The following IL1RAPL2 variants were observed in gnomAD, a reference collection of about 807,000 sequenced individuals.
IL1RAPL2 encodes the protein interleukin 1 receptor accessory protein like 2, also known as X-linked interleukin-1 receptor accessory protein-like 2.
Under a neutral mutation model 44.1 loss-of-function variants are expected in IL1RAPL2, and 3 were observed. The observed-to-expected ratio is 0.07, with a 90% CI of 0.03 to 0.18. The LOEUF is 0.18. IL1RAPL2 is among the 10% of genes least tolerant of loss of function. The pLI is 1.00. For missense variants in IL1RAPL2, 391 were observed against 496.4 expected, an observed-to-expected ratio of 0.79 and a Z score of 2.02; for synonymous variants, 181 against 178.8, an observed-to-expected ratio of 1.01 and a Z score of -0.10.
At chrX:105,012,605 TC>T in intron 2 of IL1RAPL2, among the ~76,000 whole-genome samples, 1 of 23,141 alleles carries the variant, frequency 4.3e-5, no homozygotes, top group Non-Finnish European at 8.7e-5. Flanking sequence ...TCTTTCTCTC[TC>T]TCTCTCTCTC....
At chrX:105,277,916 G>C (rs1435096712) in intron 5 of IL1RAPL2, among the ~76,000 whole-genome samples, 1 of 110,255 alleles carries the variant, frequency 9.1e-6, no homozygotes, top group Non-Finnish European at 1.9e-5. Context: ...TTTTTATTTT[G>C]TCTCTCCTTT....
intron 6 of IL1RAPL2, among the ~76,000 whole-genome samples, chrX:105,591,294 G>T (rs1229517461): frequency 9.2e-6 from 1 of 108,672 alleles, no homozygotes; most frequent in Non-Finnish European, 1.9e-5. Flanking sequence ...ATGTTTATTT[G>T]GATGTTCTCT....
intron 2 of IL1RAPL2, among the ~76,000 whole-genome samples, chrX:104,983,796 T>C (rs753755178): frequency 1.6e-4 from 17 of 107,417 alleles, no homozygotes; most frequent in African/African-American, 5.7e-4. Flanking sequence ...TTACTTTCTA[T>C]TGATAATACT....
intron 5 of IL1RAPL2, among the ~76,000 whole-genome samples, chrX:105,426,967 G>A (rs2035815509): frequency 8.9e-6 from 1 of 112,350 alleles, no homozygotes. Context: ...TATAAAGAAG[G>A]GAAACATTTT....
At chrX:105,076,302 C>T (rs936869621) in intron 2 of IL1RAPL2, among the ~76,000 whole-genome samples, 4 of 111,403 alleles carry the variant, frequency 3.6e-5, no homozygotes, top group African/African-American at 1.3e-4. Context: ...CGTTATGTAG[C>T]CAGTAGTCAT....
intron 5 of IL1RAPL2, among the ~76,000 whole-genome samples, chrX:105,325,540 T>TA (rs1192795118): frequency 8.1e-4 from 24 of 29,566 alleles, no homozygotes; most frequent in African/African-American, 1.7e-3. Context: ...CTCTCTTGGT[T>TA]TTATATATAT....
chrX:105,731,898 G>A (rs777987139), intron 7 of IL1RAPL2, among the ~76,000 whole-genome samples: 5 of 111,022 alleles, frequency 4.5e-5, no homozygotes, highest in Non-Finnish European at 9.5e-5. Context: ...AAGGGTGACT[G>A]TAGTTAACAA....
intron 1 of IL1RAPL2, among the ~76,000 whole-genome samples, chrX:104,608,207 C>T (rs1375601901): frequency 9.1e-6 from 1 of 109,715 alleles, no homozygotes; most frequent in Non-Finnish European, 1.9e-5. Flanking sequence ...TGGAGGGGAA[C>T]ATCACACACT....
chrX:104,891,358 G>A (rs1291244565), intron 2 of IL1RAPL2, among the ~76,000 whole-genome samples: 1 of 111,706 alleles, frequency 9.0e-6, no homozygotes, highest in Non-Finnish European at 1.9e-5. Context: ...AGTTTGATGG[G>A]GATCGCATTG....
chrX:105,307,097 G>T (rs1254885387), intron 5 of IL1RAPL2, among the ~76,000 whole-genome samples: 3 of 108,236 alleles, frequency 2.8e-5, no homozygotes, highest in Non-Finnish European at 5.7e-5. Context: ...AAAACCATCA[G>T]ATCTCATGAG....
At chrX:104,574,277 T>C (rs1602626230) in intron 1 of IL1RAPL2, among the ~76,000 whole-genome samples, 1 of 111,448 alleles carries the variant, frequency 9.0e-6, no homozygotes, top group Middle Eastern at 4.8e-3. Flanking sequence ...CACATATTAA[T>C]TACAAAATAA....
intron 2 of IL1RAPL2, among the ~76,000 whole-genome samples, chrX:104,915,252 G>A (rs1165877703): frequency 1.4e-4 from 16 of 110,626 alleles, no homozygotes; most frequent in African/African-American, 2.6e-4. Flanking sequence ...TTTAATGATC[G>A]CCATTCTAAC....
intron 5 of IL1RAPL2, among the ~76,000 whole-genome samples, chrX:105,280,513 T>C (rs1041564106): frequency 8.1e-5 from 9 of 110,782 alleles, no homozygotes; most frequent in African/African-American, 3.0e-4. Flanking sequence ...TGGGAGAAAA[T>C]TTTTGCAATC....
chrX:105,257,064 T>G (rs1478308392), intron 4 of IL1RAPL2, among the ~76,000 whole-genome samples: 1 of 111,805 alleles, frequency 8.9e-6, no homozygotes, highest in Non-Finnish European at 1.9e-5. Context: ...AACTATTTGA[T>G]GTAGGCATTG....
intron 3 of IL1RAPL2, among the ~76,000 whole-genome samples, chrX:105,200,868 G>A (rs1556145659): frequency 9.0e-6 from 1 of 111,239 alleles, no homozygotes; most frequent in Non-Finnish European, 1.9e-5. Flanking sequence ...CCGAGATTGT[G>A]CTACTGCACT....
chrX:105,487,594 T>A (rs2036280248), intron 6 of IL1RAPL2, among the ~76,000 whole-genome samples: 1 of 112,024 alleles, frequency 8.9e-6, no homozygotes, highest in African/African-American at 3.2e-5. Context: ...AAAAGCAAAA[T>A]CAGTCAAACC....
At chrX:104,753,730 C>T (rs1041535731) in intron 2 of IL1RAPL2, among the ~76,000 whole-genome samples, 6 of 111,402 alleles carry the variant, frequency 5.4e-5, no homozygotes, top group African/African-American at 1.3e-4. Flanking sequence ...ATAAATGGCT[C>T]TAATGTGTGA....
intron 2 of IL1RAPL2, among the ~76,000 whole-genome samples, chrX:104,956,379 T>C (rs759960852): frequency 9.0e-6 from 1 of 111,011 alleles, no homozygotes; most frequent in Admixed American, 9.6e-5. Flanking sequence ...CCCAGCACTT[T>C]GGGAGGCCAA....
At chrX:104,881,334 C>T (rs1207807385) in intron 2 of IL1RAPL2, among the ~76,000 whole-genome samples, 1 of 111,664 alleles carries the variant, frequency 9.0e-6, no homozygotes, top group Non-Finnish European at 1.9e-5. Flanking sequence ...TAAAAGTGGT[C>T]ATTTTTCATA....
Sources: allele counts gnomAD v4.1 joint callset (sites outside exome capture counted in the v4.1 genomes callset), GRCh38; gene constraint gnomAD v4.1.1; transcripts MANE v1.5; gene names NCBI Gene and HGNC (gene_info 2026-07-23, HGNC 2026-07-21).